Variants in ACACA observed in about 807,000 individuals in gnomAD.
ACACA encodes the protein acetyl-CoA carboxylase alpha, also known as acetyl-CoA carboxylase 1.
In ACACA, 103 loss-of-function variants were observed where a neutral mutation model predicts 296.1. The observed-to-expected ratio is 0.35, with a 90% CI of 0.30 to 0.41. ACACA has a LOEUF of 0.41. Among genes scored for constraint, ACACA ranks in the 10% least tolerant of loss-of-function variants. The pLI, the probability that ACACA is intolerant of heterozygous loss-of-function variation, is 1.00. For synonymous variants in ACACA, 953 were observed against 1,038.6 expected (o/e 0.92, Z 1.58); for missense variants, 1,554 against 2,989.7 (o/e 0.52, Z 11.20).
At chr17:37,342,437 AT>A (rs1395206249) in intron 1 of ACACA, among the ~76,000 whole-genome samples, 1,730 of 59,502 alleles carry the variant, frequency 0.029, 51 homozygotes, top group East Asian at 0.037. Context: ...AAAAAAAAAA[AT>A]ATATATATAT....
chr17:37,247,891 T>C, intron 18 of ACACA, 120 bp downstream of exon 18: 1 of 1,258,356 alleles, frequency 7.9e-7, no homozygotes. Context: ...TGTACTATTT[T>C]TTTTTTTTTT....
chr17:37,182,286 G>A (rs11869869), intron 39 of ACACA, among the ~76,000 whole-genome samples: 1 of 151,856 alleles, frequency 6.6e-6, no homozygotes, highest in South Asian at 2.1e-4. Flanking sequence ...TAGCCCATGA[G>A]ACACAGCCTC....
intron 3 of ACACA, among the ~76,000 whole-genome samples, chr17:37,298,518 CA>C (rs1305344907): frequency 6.6e-6 from 1 of 151,818 alleles, no homozygotes; most frequent in African/African-American, 2.4e-5. Flanking sequence ...CCCATCTCTA[CA>C]AAAAACTTGA....
intron 39 of ACACA, among the ~76,000 whole-genome samples, chr17:37,184,016 C>A (rs2077432612): frequency 6.6e-6 from 1 of 151,822 alleles, no homozygotes; most frequent in Non-Finnish European, 1.5e-5. Context: ...CCACGCCCAG[C>A]TAATTTTGTA....
chr17:37,305,695 A>C (rs1309251865), intron 3 of ACACA, among the ~76,000 whole-genome samples: 1 of 152,132 alleles, frequency 6.6e-6, no homozygotes, highest in Non-Finnish European at 1.5e-5. Context: ...CACTTCTCCC[A>C]ACAATGCCAT....
Position 37,386,367 on chromosome 17 carries a change from G to A in ACACA, c.38+19895C>T, listed in dbSNP as rs946655023. On this transcript the variant is annotated intron_variant, in intron 1 of 55. Transcript: ENST00000616317. ...AGCACTTTGGGAGGCCGAGGTGGGCGGATCACCTGTGGTCAGGAGTTCAAG... is the reference window on the plus strand; with the variant it reads ...AGCACTTTGGGAGGCCGAGGTGGGCAGATCACCTGTGGTCAGGAGTTCAAG... Among the ~76,000 whole-genome samples the A allele has an allele frequency of 6.6e-5, 10 of 152,110 alleles. No homozygotes were observed. The South Asian group carries it at 8.3e-4, about 13-fold the overall frequency.
In ACACA at chr17:37,087,208, C is replaced by T. The variant is rs756703260; in HGVS notation, c.*108G>A. ...CGAGAGGAAGTAAAATGCCATTTGA[C>T]TCCAGTGCTGGGTCTCCTGTGCCTT... On this transcript the variant is annotated 3_prime_UTR_variant, in exon 56 of 56. Coordinates refer to ENST00000616317, the MANE Select transcript of ACACA (RefSeq NM_198834.3). The T allele has an allele frequency of 6.7e-7, 1 of 1,495,882 alleles. No homozygotes were observed. The highest frequency in any genetic ancestry group is 2.3e-5 in the East Asian group (1 of 44,212). The allele number at this position is 1,495,882 out of a possible 1,614,324, so 92.7% of individuals were successfully genotyped here.
chr17:37,248,085 C>T lies in ACACA; in HGVS notation c.2235G>A (p.Arg745=), dbSNP rs201422268. ...NGSCVEVDVH[R]LSDGGLLLSY... is the part of the protein sequence containing the mutation. ...ACAAGAGCAGTCCACCGTCACTCAG[C>T]CGATGTACATCTACTTCTACACATG... is the stretch of plus-strand genomic sequence containing the variant. The change falls in exon 18 of 56, where the codon CGG becomes CGA. Residue 745 remains arginine (R), a synonymous_variant. Coordinates refer to ENST00000616317, the MANE Select transcript of ACACA (RefSeq NM_198834.3). The T allele has an allele frequency of 1.3e-5, 21 of 1,614,124 alleles. No homozygotes were observed. The East Asian group carries it at 3.3e-4, about 26-fold the overall frequency.
intron 1 of ACACA, among the ~76,000 whole-genome samples, chr17:37,346,316 C>CA (rs35348805): frequency 0.33 from 37,950 of 115,690 alleles, 7,158 homozygotes; most frequent in African/African-American, 0.55. Context: ...GACTCTCTCT[C>CA]AAAAAAAAAA....
intron 3 of ACACA, among the ~76,000 whole-genome samples, chr17:37,324,950 CCCAGCA>C (rs1007368917): frequency 6.6e-6 from 1 of 151,186 alleles, no homozygotes; most frequent in African/African-American, 2.4e-5. Context: ...ACACCTGTAA[CCCAGCA>C]CTTTGGGAGG....
At chr17:37,116,613 AT>A (rs2074268210) in intron 50 of ACACA, among the ~76,000 whole-genome samples, 2 of 152,192 alleles carry the variant, frequency 1.3e-5, no homozygotes, top group Non-Finnish European at 2.9e-5. Context: ...TGGAACACCT[AT>A]AGACCCACAG....
intron 42 of ACACA, among the ~76,000 whole-genome samples, chr17:37,156,810 C>G (rs1009901865): frequency 6.6e-6 from 1 of 152,152 alleles, no homozygotes; most frequent in Non-Finnish European, 1.5e-5. Flanking sequence ...ATTATGCCCA[C>G]CATTTAACTC....
At chr17:37,226,216 G>A (rs17574651) in intron 26 of ACACA, 123 bp downstream of exon 26, 50,374 of 828,798 alleles carry the variant, frequency 0.061, 2,368 homozygotes, top group Admixed American at 0.19. Context: ...TGAGGAAAAC[G>A]TGACACATAT....
intron 48 of ACACA, among the ~76,000 whole-genome samples, chr17:37,124,286 A>C (rs1270947735): frequency 6.6e-6 from 1 of 152,222 alleles, no homozygotes; most frequent in African/African-American, 2.4e-5. Context: ...TGAGTGTTGC[A>C]ATAAACAATG....
In ACACA at chr17:37,372,385, C is replaced by G. The variant is rs1318787117; in HGVS notation, c.39-32535G>C. Among the ~76,000 whole-genome samples, 39 of 150,268 alleles carry G rather than the reference C, an allele frequency of 2.6e-4. 1 individual carries two copies. Among genetic ancestry groups the G allele is most frequent in the Admixed American group, 2.6e-3 (39 of 15,078 alleles). ...CCGAGATCGCGCCACTGCACTCCAG[C>G]CTGGGCGACAGAGCGAGACTCTGTC... On this transcript the variant is annotated intron_variant, in intron 1 of 55. Coordinates refer to ENST00000616317, the MANE Select transcript of ACACA (RefSeq NM_198834.3).
At position 37,380,331 on chromosome 17, in the gene ACACA, C is replaced by T. The variant is rs1055540640; in HGVS notation, c.38+25931G>A. Among the ~76,000 whole-genome samples the T allele has an allele frequency of 8.0e-5, 12 of 150,262 alleles. No homozygotes were observed. In the South Asian group the frequency reaches 8.5e-4, roughly 11 times the overall value. On this transcript the variant is annotated intron_variant, in intron 1 of 55. Coordinates refer to ENST00000616317, the MANE Select transcript of ACACA (RefSeq NM_198834.3). ...GGGAGATATACCTAATGCTAGATGACGAGTTAGTGGGTGCAGCGCACCAGC... is the reference window on the plus strand; with the variant it reads ...GGGAGATATACCTAATGCTAGATGATGAGTTAGTGGGTGCAGCGCACCAGC...
intron 33 of ACACA, among the ~76,000 whole-genome samples, chr17:37,203,037 A>G (rs920758584): frequency 6.7e-6 from 1 of 149,784 alleles, no homozygotes; most frequent in Admixed American, 6.7e-5. Flanking sequence ...ATCTCGGCTC[A>G]CAGCAACCTC....
intron 29 of ACACA, among the ~76,000 whole-genome samples, chr17:37,219,261 GTTGATA>G (rs964916559): frequency 1.3e-5 from 2 of 152,170 alleles, no homozygotes; most frequent in Admixed American, 1.3e-4. Flanking sequence ...TGCTGAGAGG[GTTGATA>G]AACTCTGATT....
chr17:37,274,982 GA>G (rs11344097), intron 8 of ACACA, among the ~76,000 whole-genome samples: 1,977 of 136,200 alleles, frequency 0.015, 18 homozygotes, highest in South Asian at 0.038. Context: ...GAGTACTTAA[GA>G]AAAAAAAAAA....
Sources: allele counts gnomAD v4.1 joint callset (sites outside exome capture counted in the v4.1 genomes callset), GRCh38; gene constraint gnomAD v4.1.1; transcripts MANE v1.5; gene names NCBI Gene and HGNC (gene_info 2026-07-23, HGNC 2026-07-21).